Variants in SLC2A13 observed in about 807,000 individuals in gnomAD.
SLC2A13 encodes the protein solute carrier family 2 member 13.
Under a neutral mutation model 64.4 loss-of-function variants are expected in SLC2A13, and 32 were observed. That is an observed-to-expected ratio of 0.50 (90% CI 0.37 to 0.67). The LOEUF (loss-of-function observed/expected upper bound fraction) is 0.67, where lower values mean the gene tolerates loss of function less well. SLC2A13 is among the 30% of genes least tolerant of loss of function. The pLI, the probability that SLC2A13 is intolerant of heterozygous loss-of-function variation, is 0.00. For synonymous variants in SLC2A13, 338 were observed against 327.1 expected, an observed-to-expected ratio of 1.03 and a Z score of -0.36; for missense variants, 743 against 829.2, an observed-to-expected ratio of 0.90 and a Z score of 1.28.
chr12:39,825,712 T>A (rs1203951129), intron 7 of SLC2A13, among the ~76,000 whole-genome samples: 1 of 152,128 alleles, frequency 6.6e-6, no homozygotes, highest in Non-Finnish European at 1.5e-5. Context: ...CTCTCTCTTC[T>A]TGATTAGTAT....
chr12:39,895,741 C>T (rs1296962988), intron 4 of SLC2A13, among the ~76,000 whole-genome samples: 28 of 6,562 alleles, frequency 4.3e-3, no homozygotes, highest in South Asian at 0.021. Flanking sequence ...TACGTACACA[C>T]ATGTATATGC....
chr12:39,811,100 G>A (rs2135804984), intron 7 of SLC2A13, among the ~76,000 whole-genome samples: 1 of 152,024 alleles, frequency 6.6e-6, no homozygotes, highest in African/African-American at 2.4e-5. Context: ...AGATGATTTA[G>A]TTTTCCTATT....
chr12:39,896,470 A>ATATG (rs201109883), intron 4 of SLC2A13, among the ~76,000 whole-genome samples: 1 of 132,730 alleles, frequency 7.5e-6, no homozygotes, highest in African/African-American at 3.0e-5. Flanking sequence ...ATGTATACAT[A>ATATG]TATGTATATG....
chr12:39,907,896 C>CTTAGAAT (rs1565536351), intron 4 of SLC2A13: 13 of 152,112 alleles, frequency 8.5e-5, no homozygotes, highest in African/African-American at 2.9e-4. Context: ...ATCAATGCTC[C>CTTAGAAT]CAACCCACCC....
Position 40,106,035 on chromosome 12 carries a change from T to A in SLC2A13, c.-227A>T. On this transcript the variant is annotated 5_prime_UTR_variant, in exon 1 of 10. Transcript: ENST00000280871. Reference sequence around the variant, plus strand: ...GGAGTTGGAGCCCGGCGGGTCTCACTCCACACTCACGCCCCGCGCCTGCCG... The same window carrying A: ...GGAGTTGGAGCCCGGCGGGTCTCACACCACACTCACGCCCCGCGCCTGCCG... 1 of 426,406 alleles carries A rather than the reference T, an allele frequency of 2.3e-6. No homozygotes were observed. Among genetic ancestry groups the A allele is most frequent in the South Asian group, 7.4e-5 (1 of 13,448 alleles). 26.4% of individuals were successfully genotyped at this position (426,406 alleles called of 1,614,324 possible).
At chr12:39,931,619 T>C (rs1261420693) in intron 4 of SLC2A13, among the ~76,000 whole-genome samples, 2 of 152,228 alleles carry the variant, frequency 1.3e-5, no homozygotes, top group African/African-American at 2.4e-5. Context: ...ATTTCAGATA[T>C]GGTAAGGCAA....
intron 1 of SLC2A13, among the ~76,000 whole-genome samples, chr12:40,050,742 T>C (rs1259598892): frequency 1.3e-5 from 2 of 152,166 alleles, no homozygotes; most frequent in East Asian, 3.9e-4. Context: ...TGGCACAAAC[T>C]ATATTGACGG....
At chr12:39,866,166 A>G (rs928824956) in intron 5 of SLC2A13, among the ~76,000 whole-genome samples, 2 of 152,248 alleles carry the variant, frequency 1.3e-5, no homozygotes, top group East Asian at 3.8e-4. Context: ...AATTTAAATT[A>G]TGAACAAAAA....
chr12:39,885,142 A>C (rs1944437967), intron 4 of SLC2A13, among the ~76,000 whole-genome samples: 1 of 152,208 alleles, frequency 6.6e-6, no homozygotes, highest in Admixed American at 6.5e-5. Context: ...TGTGCACTGC[A>C]GCTCATGAGG....
At chr12:39,976,544 T>G (rs1946761993) in intron 3 of SLC2A13, among the ~76,000 whole-genome samples, 1 of 152,150 alleles carries the variant, frequency 6.6e-6, no homozygotes, top group African/African-American at 2.4e-5. Context: ...CTTGTAACAA[T>G]GTTTTAATTT....
At chr12:40,071,474 T>C (rs1175101175) in intron 1 of SLC2A13, among the ~76,000 whole-genome samples, 1 of 152,152 alleles carries the variant, frequency 6.6e-6, no homozygotes, top group South Asian at 2.1e-4. Flanking sequence ...TACTGGTCTA[T>C]AGTTTTCTTG....
At chr12:39,826,841 A>T in intron 7 of SLC2A13, among the ~76,000 whole-genome samples, 1 of 102,136 alleles carries the variant, frequency 9.8e-6, no homozygotes, top group African/African-American at 4.0e-5. Flanking sequence ...TATTTCTTTT[A>T]AAGTCTCTTT....
At chr12:40,056,452 C>A (rs1948335087) in intron 1 of SLC2A13, among the ~76,000 whole-genome samples, 1 of 152,140 alleles carries the variant, frequency 6.6e-6, no homozygotes, top group Non-Finnish European at 1.5e-5. Context: ...TGAAGTGCTA[C>A]ATAAGCAGAA....
At chr12:39,968,714 C>T (rs1486409503) in intron 3 of SLC2A13, among the ~76,000 whole-genome samples, 1 of 139,162 alleles carries the variant, frequency 7.2e-6, no homozygotes. Context: ...TGACACTTTA[C>T]TCTCTAAGCC....
chr12:40,008,598 G>A (rs552712225), intron 3 of SLC2A13, among the ~76,000 whole-genome samples: 19 of 149,386 alleles, frequency 1.3e-4, no homozygotes, highest in South Asian at 4.2e-4. Context: ...GCGACAGAGC[G>A]AGACTGCGTC....
chr12:39,871,011 T>G (rs1373934989), intron 5 of SLC2A13, among the ~76,000 whole-genome samples: 1 of 152,124 alleles, frequency 6.6e-6, no homozygotes, highest in African/African-American at 2.4e-5. Flanking sequence ...GCATTCTCAC[T>G]CCAAATAAAC....
intron 2 of SLC2A13, among the ~76,000 whole-genome samples, chr12:40,030,153 A>C (rs1947881276): frequency 6.6e-6 from 1 of 152,074 alleles, no homozygotes; most frequent in African/African-American, 2.4e-5. Flanking sequence ...TTAGGTAACA[A>C]CTCTTCTGGG....
chr12:40,005,691 T>C (rs1591999193), intron 3 of SLC2A13, among the ~76,000 whole-genome samples: 1 of 152,324 alleles, frequency 6.6e-6, no homozygotes, highest in Middle Eastern at 3.4e-3. Flanking sequence ...CTCTTGCCAC[T>C]GATTCAGATG....
At chr12:39,984,044 T>A (rs1039955832) in intron 3 of SLC2A13, among the ~76,000 whole-genome samples, 3 of 151,738 alleles carry the variant, frequency 2.0e-5, no homozygotes, top group African/African-American at 7.3e-5. Context: ...ATGGATGAAA[T>A]TGGAAACCAT....
Sources: gnomAD v4.1 joint callset for allele counts (sites outside exome capture counted in the v4.1 genomes callset) on GRCh38, gnomAD v4.1.1 for gene constraint, MANE v1.5 for transcripts, NCBI Gene and HGNC (gene_info 2026-07-23, HGNC 2026-07-21) for gene names.